Variants in SOX5 observed in about 807,000 individuals in gnomAD.
The protein encoded by SOX5 is SRY-box transcription factor 5.
In SOX5, 9 loss-of-function variants were observed where a neutral mutation model predicts 92.0. The ratio of observed to expected loss-of-function variants is 0.10; its 90% CI spans 0.06 to 0.17. The LOEUF (loss-of-function observed/expected upper bound fraction) is 0.17. Ranked by LOEUF, SOX5 falls within the 10% of genes least tolerant of loss-of-function variation. The probability of loss-of-function intolerance (pLI) is 1.00; values close to 1 mark genes in which losing one functional copy is unlikely to be tolerated. For synonymous variants in SOX5, 344 were observed against 336.3 expected, an observed-to-expected ratio of 1.02 and a Z score of -0.25; for missense variants, 642 against 944.5, an observed-to-expected ratio of 0.68 and a Z score of 4.20.
chr12:23,801,707 T>A (rs1448299103), intron 3 of SOX5, among the ~76,000 whole-genome samples: 3 of 152,214 alleles, frequency 2.0e-5, no homozygotes, highest in African/African-American at 7.2e-5. Context: ...TTCAGTTAAG[T>A]ACTATTACAT....
rs1950121914 is a variant in SOX5, at chr12:23,582,096, T to A, written c.1165-6258A>T. 10 of 942,918 alleles carry A rather than the reference T, an allele frequency of 1.1e-5. No individual in the cohort carries two copies. The South Asian group carries it at 4.4e-4, about 41-fold the overall frequency. 58.4% of individuals were successfully genotyped at this position (942,918 alleles called of 1,614,324 possible). On this transcript the variant is annotated intron_variant, in intron 9 of 14. Coordinates refer to ENST00000451604, the MANE Select transcript of SOX5 (RefSeq NM_006940.6). ...ATTATCCTCTCTGATGAAATGATCG[T>A]ATTAACCTAAGTAGGGAAGTTACAT...
intron 6 of SOX5, among the ~76,000 whole-genome samples, chr12:23,723,016 A>G (rs909585516): frequency 2.6e-5 from 4 of 152,186 alleles, no homozygotes; most frequent in Non-Finnish European, 4.4e-5. Context: ...CCAGCAGGCA[A>G]CAGAAAAATT....
chr12:24,296,714 T>A (rs1410000828), intron 2 of SOX5, among the ~76,000 whole-genome samples: 1 of 151,854 alleles, frequency 6.6e-6, no homozygotes, highest in Non-Finnish European at 1.5e-5. Context: ...GGAATCACTC[T>A]CCTACGCAGC....
chr12:24,191,018 TGG>T (rs1158865400), intron 4 of SOX5, among the ~76,000 whole-genome samples: 1 of 152,098 alleles, frequency 6.6e-6, no homozygotes, highest in Non-Finnish European at 1.5e-5. Flanking sequence ...TTTTAAGAGG[TGG>T]GGTCTTGCTA....
At chr12:24,547,936 G>C (rs543684195) in intron 1 of SOX5, among the ~76,000 whole-genome samples, 109 of 152,300 alleles carry the variant, frequency 7.2e-4, no homozygotes, top group Non-Finnish European at 1.4e-3. Context: ...TGAGTTACAA[G>C]TAGAGAAAAG....
chr12:24,076,558 T>G (rs1592933190), intron 4 of SOX5, among the ~76,000 whole-genome samples: 1 of 152,204 alleles, frequency 6.6e-6, no homozygotes, highest in East Asian at 1.9e-4. Context: ...AAAACTCTCC[T>G]ATGTCACTTG....
intron 3 of SOX5, among the ~76,000 whole-genome samples, chr12:23,834,878 A>C (rs2096387727): frequency 6.6e-6 from 1 of 151,958 alleles, no homozygotes; most frequent in Non-Finnish European, 1.5e-5. Flanking sequence ...TGGCCATTTC[A>C]AAGAGATGCT....
chr12:24,532,558 G>A (rs1017631820), intron 1 of SOX5, among the ~76,000 whole-genome samples: 2 of 152,160 alleles, frequency 1.3e-5, no homozygotes, highest in South Asian at 2.1e-4. Context: ...AGACAAGGAC[G>A]ATTTACAACA....
chr12:24,281,682 C>T (rs1945218307), intron 2 of SOX5, among the ~76,000 whole-genome samples: 1 of 152,176 alleles, frequency 6.6e-6, no homozygotes, highest in Non-Finnish European at 1.5e-5. Flanking sequence ...AATTGCCAAT[C>T]AATAAGCAAT....
At chr12:23,760,312 A>G (rs2094527634) in intron 3 of SOX5, among the ~76,000 whole-genome samples, 1 of 152,094 alleles carries the variant, frequency 6.6e-6, no homozygotes, top group Non-Finnish European at 1.5e-5. Context: ...AACAGATGGA[A>G]TACAAAACCA....
intron 2 of SOX5, among the ~76,000 whole-genome samples, chr12:24,333,524 A>G (rs543906661): frequency 3.3e-5 from 5 of 152,134 alleles, no homozygotes; most frequent in African/African-American, 9.6e-5. Context: ...AAAAATTCAC[A>G]TCAGTATGAT....
intron 2 of SOX5, among the ~76,000 whole-genome samples, chr12:23,887,529 C>A (rs535606707): frequency 1.3e-5 from 2 of 152,272 alleles, no homozygotes; most frequent in African/African-American, 4.8e-5. Flanking sequence ...CCTATCCATG[C>A]CACAAAAATC....
chr12:23,880,398 G>C lies in SOX5; in HGVS notation c.270+15395C>G, dbSNP rs75642372. On this transcript the variant is annotated intron_variant, in intron 2 of 14. Transcript: ENST00000451604. ...GACTCAAATTCCAATAGCACTTACTGAGTAAGAAAATTACATATTGGATTT... is the reference window on the plus strand; with the variant it reads ...GACTCAAATTCCAATAGCACTTACTCAGTAAGAAAATTACATATTGGATTT... Among the ~76,000 whole-genome samples, 699 of 152,188 alleles carry C rather than the reference G, an allele frequency of 4.6e-3. 8 individuals carry two copies. The highest frequency in any genetic ancestry group is 0.016 in the African/African-American group (682 of 41,520).
intron 4 of SOX5, among the ~76,000 whole-genome samples, chr12:24,065,624 C>T (rs371682728): frequency 3.8e-4 from 48 of 126,284 alleles, no homozygotes; most frequent in Admixed American, 1.9e-3. Flanking sequence ...TCCAGCCTGG[C>T]GACAGAGCGA....
chr12:23,848,248 A>T (rs1337021065), intron 2 of SOX5, among the ~76,000 whole-genome samples: 1 of 152,204 alleles, frequency 6.6e-6, no homozygotes, highest in Non-Finnish European at 1.5e-5. Context: ...ATTACAATGA[A>T]ATCAAGTCTA....
chr12:24,451,926 A>C (rs1455898707), intron 1 of SOX5, among the ~76,000 whole-genome samples: 1 of 152,218 alleles, frequency 6.6e-6, no homozygotes, highest in Admixed American at 6.5e-5. Flanking sequence ...TGAAATCAGG[A>C]ATCAGGTCTT....
intron 1 of SOX5, among the ~76,000 whole-genome samples, chr12:23,920,926 C>T (rs897636431): frequency 6.6e-6 from 1 of 152,076 alleles, no homozygotes; most frequent in Non-Finnish European, 1.5e-5. Context: ...TAATGGATAA[C>T]TAGATAAAGC....
chr12:23,695,812 G>A (rs2089716298), intron 6 of SOX5, among the ~76,000 whole-genome samples: 2 of 150,998 alleles, frequency 1.3e-5, no homozygotes, highest in African/African-American at 4.9e-5. Flanking sequence ...CCGGTGGCGG[G>A]CGCCTATAGT....
intron 2 of SOX5, among the ~76,000 whole-genome samples, chr12:24,360,836 C>G (rs1011207653): frequency 6.6e-6 from 1 of 152,180 alleles, no homozygotes; most frequent in Non-Finnish European, 1.5e-5. Context: ...TCGCCTGAAA[C>G]CCCTAACTAC....
Sources: gnomAD v4.1 joint callset for allele counts (sites outside exome capture counted in the v4.1 genomes callset) on GRCh38, gnomAD v4.1.1 for gene constraint, MANE v1.5 for transcripts, NCBI Gene and HGNC (gene_info 2026-07-23, HGNC 2026-07-21) for gene names.